Variants in UGGT2 observed in about 807,000 individuals in gnomAD.
UGGT2 encodes UDP-glucose glycoprotein glucosyltransferase 2.
Under a neutral mutation model 192.1 loss-of-function variants are expected in UGGT2, and 180 were observed. The observed-to-expected ratio is 0.94, with a 90% CI of 0.83 to 1.06. UGGT2 has a LOEUF of 1.06. Ranked by LOEUF, UGGT2 falls within the 50% of genes least tolerant of loss-of-function variation. The pLI is 0.00. For missense variants in UGGT2, 1,849 were observed against 1,795.7 expected (o/e 1.03, Z -0.54); for synonymous variants, 580 against 591.0 (o/e 0.98, Z 0.27).
chr13:95,947,888 T>C, intron 14 of UGGT2, 108 bp downstream of exon 14: 1 of 806,386 alleles, frequency 1.2e-6, no homozygotes, highest in African/African-American at 1.7e-5. Context: ...TGTCAGGCAC[T>C]AGAGCTAACC....
At chr13:95,943,669 C>T (rs2049767114) in intron 15 of UGGT2, among the ~76,000 whole-genome samples, 1 of 152,010 alleles carries the variant, frequency 6.6e-6, no homozygotes, top group South Asian at 2.1e-4. Flanking sequence ...TTACTAACCT[C>T]CTGTGTCAAA....
At chr13:95,968,208 T>C (rs1345941801) in intron 12 of UGGT2, among the ~76,000 whole-genome samples, 1 of 152,152 alleles carries the variant, frequency 6.6e-6, no homozygotes, top group Non-Finnish European at 1.5e-5. Context: ...GGAATATTTA[T>C]ATTTATTGAG....
At chr13:95,878,039 G>A (rs1398454988) in intron 27 of UGGT2, among the ~76,000 whole-genome samples, 183 bp from the exon 28 acceptor site, 2 of 151,990 alleles carry the variant, frequency 1.3e-5, no homozygotes, top group African/African-American at 2.4e-5. Context: ...AAAAGCTTAT[G>A]ATAAACTTTT....
intron 2 of UGGT2, among the ~76,000 whole-genome samples, chr13:96,028,487 T>C (rs1393459932): frequency 6.6e-6 from 1 of 152,218 alleles, no homozygotes; most frequent in Non-Finnish European, 1.5e-5. Context: ...TTGGGTGACA[T>C]TTCTCACCTC....
intron 38 of UGGT2, 86 bp from the exon 39 acceptor site, chr13:95,801,898 C>G: frequency 6.7e-7 from 1 of 1,487,908 alleles, no homozygotes; most frequent in Non-Finnish European, 9.3e-7. Flanking sequence ...GAGGAAGCAC[C>G]GGTACTGACT....
intron 36 of UGGT2, among the ~76,000 whole-genome samples, chr13:95,850,328 T>A: frequency 6.6e-6 from 1 of 152,044 alleles, no homozygotes; most frequent in East Asian, 1.9e-4. Flanking sequence ...GGCCAAGAAA[T>A]AGAAAAATAG....
intron 4 of UGGT2, among the ~76,000 whole-genome samples, chr13:96,019,876 G>C (rs910622208): frequency 6.6e-6 from 1 of 152,294 alleles, no homozygotes; most frequent in South Asian, 2.1e-4. Context: ...GCTTATGCCT[G>C]GTGAAATGGT....
chr13:95,883,426 G>A (rs541760628), intron 27 of UGGT2, among the ~76,000 whole-genome samples: 10 of 152,178 alleles, frequency 6.6e-5, no homozygotes, highest in African/African-American at 2.4e-4. Context: ...CTCATTTTCT[G>A]GATACCAAGT....
intron 5 of UGGT2, among the ~76,000 whole-genome samples, chr13:96,003,810 G>A (rs373165166): frequency 3.0e-4 from 45 of 152,122 alleles, no homozygotes; most frequent in African/African-American, 7.7e-4. Flanking sequence ...AAAGTGCCCC[G>A]ACTGTCAACC....
intron 36 of UGGT2, among the ~76,000 whole-genome samples, chr13:95,847,271 T>TA (rs1226347638): frequency 6.6e-6 from 1 of 152,202 alleles, no homozygotes; most frequent in East Asian, 1.9e-4. Context: ...ACCAAAGTGA[T>TA]ATGTTTGTTG....
intron 12 of UGGT2, among the ~76,000 whole-genome samples, chr13:95,961,988 C>T (rs1056098788): frequency 2.6e-5 from 4 of 152,024 alleles, no homozygotes; most frequent in African/African-American, 7.2e-5. Flanking sequence ...TCCTGAATTA[C>T]TGGGTCAAGG....
At chr13:95,882,731 C>T (rs1566632295) in intron 27 of UGGT2, among the ~76,000 whole-genome samples, 1 of 152,132 alleles carries the variant, frequency 6.6e-6, no homozygotes, top group Non-Finnish European at 1.5e-5. Flanking sequence ...TTGACACTCA[C>T]TACAAAAAAA....
chr13:95,947,606 A>G (rs2049919965), intron 14 of UGGT2, among the ~76,000 whole-genome samples: 1 of 151,986 alleles, frequency 6.6e-6, no homozygotes, highest in Non-Finnish European at 1.5e-5. Flanking sequence ...GCGCACCACC[A>G]CGCCTTGCTA....
intron 36 of UGGT2, among the ~76,000 whole-genome samples, chr13:95,844,967 G>GGTT (rs1566578565): frequency 6.6e-6 from 1 of 152,104 alleles, no homozygotes; most frequent in East Asian, 1.9e-4. Flanking sequence ...GTTCCCTTCC[G>GGTT]GTTCTAGTGT....
intron 27 of UGGT2, among the ~76,000 whole-genome samples, chr13:95,881,556 A>AAT (rs1384821449): frequency 8.0e-6 from 1 of 125,252 alleles, no homozygotes; most frequent in Non-Finnish European, 1.8e-5. Context: ...CTGGCAATCA[A>AAT]ACAAATTCTT....
At chr13:95,850,900 G>T (rs1286175807) in intron 36 of UGGT2, among the ~76,000 whole-genome samples, 1 of 152,172 alleles carries the variant, frequency 6.6e-6, no homozygotes. Context: ...GAAAAGAGTT[G>T]TCTCACCCAA....
chr13:95,922,079 G>A (rs933649990), intron 20 of UGGT2, among the ~76,000 whole-genome samples: 3 of 152,188 alleles, frequency 2.0e-5, no homozygotes, highest in African/African-American at 7.2e-5. Context: ...TATACACCAT[G>A]GAATACTACA....
intron 20 of UGGT2, among the ~76,000 whole-genome samples, chr13:95,908,436 A>T (rs148221289): frequency 6.6e-6 from 1 of 152,224 alleles, no homozygotes; most frequent in African/African-American, 2.4e-5. Flanking sequence ...CAACCCCAAG[A>T]CACATAATCG....
chr13:95,816,373 G>A (rs949896813), intron 38 of UGGT2, among the ~76,000 whole-genome samples: 2 of 152,082 alleles, frequency 1.3e-5, no homozygotes, highest in Non-Finnish European at 2.9e-5. Flanking sequence ...AGCCTCTTAG[G>A]TTAAATACAA....
Sources: gnomAD v4.1 joint callset for allele counts (sites outside exome capture counted in the v4.1 genomes callset) on GRCh38, gnomAD v4.1.1 for gene constraint, MANE v1.5 for transcripts, NCBI Gene and HGNC (gene_info 2026-07-23, HGNC 2026-07-21) for gene names.